Variants in TRMT11 observed in about 807,000 individuals in gnomAD.
The protein encoded by TRMT11 is tRNA (guanine(10)-N(2))-methyltransferase TRMT11.
A neutral mutation model predicts 62.8 loss-of-function variants in TRMT11; 53 were observed. The ratio of observed to expected loss-of-function variants is 0.84; its 90% CI spans 0.68 to 1.06. The LOEUF (loss-of-function observed/expected upper bound fraction) is 1.06. TRMT11 is among the 50% of genes least tolerant of loss of function. The pLI, the probability that TRMT11 is intolerant of heterozygous loss-of-function variation, is 0.00. For synonymous variants in TRMT11, 188 were observed against 190.3 expected (o/e 0.99, Z 0.10); for missense variants, 556 against 553.4 (o/e 1.00, Z -0.05).
At chr6:126,221,350 G>A in the TRMT11 span, among the ~76,000 whole-genome samples, 2 of 152,118 alleles carry the variant, frequency 1.3e-5, no homozygotes, top group Non-Finnish European at 2.9e-5. Context: ...GTTTTCCACA[G>A]TGGCTGAACT....
chr6:126,212,221 G>A, the TRMT11 span, among the ~76,000 whole-genome samples: 5 of 152,142 alleles, frequency 3.3e-5, no homozygotes, highest in African/African-American at 1.2e-4. Context: ...GAATATCGCT[G>A]CAATATGCAT....
At chr6:126,266,989 A>G in the TRMT11 span, among the ~76,000 whole-genome samples, 1 of 152,234 alleles carries the variant, frequency 6.6e-6, no homozygotes, top group Non-Finnish European at 1.5e-5. Context: ...TAAGAGTGAC[A>G]TGAAAAATCT....
intron 21 of TRMT11, among the ~76,000 whole-genome samples, chr6:126,121,706 C>T (rs1359917318): frequency 1.3e-5 from 2 of 152,092 alleles, no homozygotes; most frequent in African/African-American, 4.8e-5. Context: ...ATTTAAGTCT[C>T]TATGCTCATG....
intron 1 of TRMT11, among the ~76,000 whole-genome samples, chr6:126,181,665 T>G (rs908639748): frequency 6.6e-6 from 1 of 152,158 alleles, no homozygotes; most frequent in Non-Finnish European, 1.5e-5. Context: ...GTGATTATGA[T>G]AGTTAATAGA....
chr6:125,986,975 A>C, intron 1 of TRMT11: 1 of 263,474 alleles, frequency 3.8e-6, no homozygotes, highest in East Asian at 8.5e-5. Flanking sequence ...AAGTATTGGA[A>C]TCTGCGGATC....
intron 17 of TRMT11, among the ~76,000 whole-genome samples, chr6:126,060,069 A>G (rs773649463): frequency 6.6e-6 from 1 of 152,236 alleles, no homozygotes; most frequent in Non-Finnish European, 1.5e-5. Flanking sequence ...GCTATGCTCC[A>G]GCATTCTAGT....
At chr6:126,027,016 C>T (rs1462090514) in intron 12 of TRMT11, among the ~76,000 whole-genome samples, 2 of 151,766 alleles carry the variant, frequency 1.3e-5, no homozygotes, top group African/African-American at 2.4e-5. Flanking sequence ...CCATGTTAGC[C>T]AGGATGGTCT....
At chr6:126,159,395 A>G (rs1778163466) in intron 21 of TRMT11, among the ~76,000 whole-genome samples, 1 of 152,158 alleles carries the variant, frequency 6.6e-6, no homozygotes, top group African/African-American at 2.4e-5. Flanking sequence ...GCGTAAACAA[A>G]TATGTATGGT....
chr6:126,245,034 A>T, the TRMT11 span, among the ~76,000 whole-genome samples: 1 of 152,242 alleles, frequency 6.6e-6, no homozygotes, highest in Non-Finnish European at 1.5e-5. Flanking sequence ...TTCTGTTTAA[A>T]ATATTTAGAT....
chr6:126,271,976 C>T, the TRMT11 span, among the ~76,000 whole-genome samples: 3 of 152,184 alleles, frequency 2.0e-5, no homozygotes, highest in Non-Finnish European at 4.4e-5. Context: ...TTCATACCCA[C>T]ATTGATATGG....
the TRMT11 span, among the ~76,000 whole-genome samples, chr6:126,241,615 C>T: frequency 6.6e-6 from 1 of 152,158 alleles, no homozygotes; most frequent in Admixed American, 6.5e-5. Context: ...TGGGCTTCAT[C>T]CCTGGGATGC....
chr6:126,093,630 T>C (rs1414392426), intron 17 of TRMT11, among the ~76,000 whole-genome samples: 3 of 107,978 alleles, frequency 2.8e-5, no homozygotes, highest in Non-Finnish European at 5.4e-5. Context: ...TATATATATA[T>C]ATTTTCCCCC....
chr6:126,118,067 A>G (rs1338749266), intron 21 of TRMT11, among the ~76,000 whole-genome samples: 1 of 152,148 alleles, frequency 6.6e-6, no homozygotes, highest in East Asian at 1.9e-4. Flanking sequence ...TGCTGCTGTC[A>G]GTAGATTTGC....
intron 12 of TRMT11, among the ~76,000 whole-genome samples, chr6:126,036,446 G>T (rs1453770649): frequency 6.6e-6 from 1 of 151,976 alleles, no homozygotes; most frequent in Non-Finnish European, 1.5e-5. Flanking sequence ...GGATGAGGGA[G>T]GCCTAGATTA....
chr6:126,018,247 G>C (rs1795277969), intron 11 of TRMT11, among the ~76,000 whole-genome samples: 1 of 152,158 alleles, frequency 6.6e-6, no homozygotes, highest in African/African-American at 2.4e-5. Flanking sequence ...TGCCTATAAT[G>C]AGTGAAGAGA....
At chr6:126,090,981 C>T (rs962235045) in intron 17 of TRMT11, among the ~76,000 whole-genome samples, 2 of 152,104 alleles carry the variant, frequency 1.3e-5, no homozygotes, top group Non-Finnish European at 2.9e-5. Flanking sequence ...GAGGCAAAGG[C>T]TTGCGGATAA....
intron 21 of TRMT11, among the ~76,000 whole-genome samples, chr6:126,150,168 T>C (rs183826815): frequency 1.8e-3 from 281 of 152,208 alleles, no homozygotes; most frequent in African/African-American, 6.4e-3. Flanking sequence ...AACTGGTGGC[T>C]TTATAGGAAG....
the TRMT11 span, among the ~76,000 whole-genome samples, chr6:126,248,564 C>T: frequency 6.6e-6 from 1 of 152,044 alleles, no homozygotes; most frequent in Admixed American, 6.6e-5. Context: ...ATTCCACCCC[C>T]GTTCTCCATT....
the TRMT11 span, among the ~76,000 whole-genome samples, chr6:126,265,939 T>C: frequency 3.9e-5 from 6 of 152,202 alleles, no homozygotes; most frequent in African/African-American, 1.4e-4. Flanking sequence ...CTAAAGGTGA[T>C]CTCTCATCCA....
Sources: gnomAD v4.1 joint callset for allele counts (sites outside exome capture counted in the v4.1 genomes callset) on GRCh38, gnomAD v4.1.1 for gene constraint, MANE v1.5 for transcripts, NCBI Gene and HGNC (gene_info 2026-07-23, HGNC 2026-07-21) for gene names.